The following RGMA variants were observed in gnomAD, a reference collection of about 807,000 sequenced individuals.
RGMA encodes the protein repulsive guidance molecule BMP co-receptor a.
A neutral mutation model predicts 23.2 loss-of-function variants in RGMA; 10 were observed. The ratio of observed to expected loss-of-function variants is 0.43; its 90% CI spans 0.27 to 0.73. RGMA has a LOEUF of 0.73. RGMA is among the 30% of genes least tolerant of loss of function. The pLI is 0.20. For synonymous variants in RGMA, 308 were observed against 279.3 expected (o/e 1.10, Z -1.03); for missense variants, 547 against 630.5 (o/e 0.87, Z 1.42).
intron 1 of RGMA, chr15:93,088,257 T>G: frequency 1.5e-6 from 1 of 681,126 alleles, no homozygotes; most frequent in Non-Finnish European, 1.8e-6. Flanking sequence ...TGAATACACC[T>G]GTCCCCCATG....
chr15:93,083,132 T>C (rs1037356594), intron 1 of RGMA, among the ~76,000 whole-genome samples: 2 of 152,232 alleles, frequency 1.3e-5, no homozygotes, highest in African/African-American at 2.4e-5. Flanking sequence ...CAGCATCCAT[T>C]TACTCATGAA....
intron 1 of RGMA, among the ~76,000 whole-genome samples, chr15:93,082,779 C>G (rs1895579263): frequency 6.6e-6 from 1 of 152,208 alleles, no homozygotes; most frequent in Admixed American, 6.5e-5. Context: ...AATTGTTTGT[C>G]TTTCTTTTGG....
Position 93,044,595 on chromosome 15 carries a change from A to C in RGMA, c.*403T>G. 2 of 248,130 alleles carry C rather than the reference A, an allele frequency of 8.1e-6. No individual in the cohort carries two copies. 15.4% of individuals were successfully genotyped at this position (248,130 alleles called of 1,614,324 possible). On this transcript the variant is annotated 3_prime_UTR_variant, in exon 4 of 4. Transcript: ENST00000329082. Reference sequence around the variant, plus strand: ...GTGTGTGCGTGCGTGTGGCGGGCACAGGGGGCCCCACGGATCGGCGAGCAG... The same window carrying C: ...GTGTGTGCGTGCGTGTGGCGGGCACCGGGGGCCCCACGGATCGGCGAGCAG...
intron 1 of RGMA, 179 bp from the exon 2 acceptor site, chr15:93,073,210 G>T: frequency 8.5e-7 from 1 of 1,179,040 alleles, no homozygotes; most frequent in Non-Finnish European, 1.0e-6. Flanking sequence ...TCCATCACTC[G>T]GTTCTCCGCC....
intron 2 of RGMA, among the ~76,000 whole-genome samples, chr15:93,061,003 A>T (rs1319932206): frequency 6.6e-6 from 1 of 152,118 alleles, no homozygotes; most frequent in Non-Finnish European, 1.5e-5. Flanking sequence ...CTGTCACTGG[A>T]CTGTCAGTGT....
Position 93,035,468 on chromosome 15 carries a change from G to T in RGMA, c.*9530C>A, listed in dbSNP as rs1487888274. The T allele has an allele frequency of 5.9e-5, 9 of 152,230 alleles. No homozygotes were observed. The highest frequency in any genetic ancestry group is 1.9e-4 in the African/African-American group (8 of 41,408). 9.4% of individuals were successfully genotyped at this position (152,230 alleles called of 1,614,324 possible). A position where few individuals can be genotyped will look rare whatever the true frequency, so the allele number is the denominator to read the frequency against. On this transcript the variant is annotated 3_prime_UTR_variant, in exon 4 of 4. Transcript: ENST00000329082. ...TCAGTGGATGGAAAACCTCTTAAGA[G>T]GAAACACCTGGGGGGATTCTTGCTG...
At chr15:93,074,625 C>T (rs982477266) in intron 1 of RGMA, among the ~76,000 whole-genome samples, 6 of 152,190 alleles carry the variant, frequency 3.9e-5, no homozygotes, top group South Asian at 2.1e-4. Flanking sequence ...AAATATTTTT[C>T]CCCCAAACCA....
At chr15:93,049,931 C>A (rs75813039) in intron 3 of RGMA, among the ~76,000 whole-genome samples, 1 of 152,196 alleles carries the variant, frequency 6.6e-6, no homozygotes, top group East Asian at 1.9e-4. Flanking sequence ...GAGGCCTCAT[C>A]ATCTTGGAGA....
At chr15:93,067,695 G>T (rs1405349514) in intron 2 of RGMA, among the ~76,000 whole-genome samples, 2 of 152,012 alleles carry the variant, frequency 1.3e-5, no homozygotes, top group Non-Finnish European at 2.9e-5. Context: ...GGGAGCAAAG[G>T]GGTGACCCAG....
chr15:93,080,348 A>G (rs1009462126), intron 1 of RGMA, among the ~76,000 whole-genome samples: 6 of 152,018 alleles, frequency 3.9e-5, no homozygotes, highest in African/African-American at 1.2e-4. Flanking sequence ...ACAGGTGCAC[A>G]CGCCACCACG....
chr15:93,048,738 C>T (rs1362039956), intron 3 of RGMA, among the ~76,000 whole-genome samples: 2 of 152,174 alleles, frequency 1.3e-5, no homozygotes, highest in Non-Finnish European at 1.5e-5. Flanking sequence ...CCTACTTCTT[C>T]CTTCTTTCCA....
At chr15:93,049,604 T>C (rs1317106562) in intron 3 of RGMA, among the ~76,000 whole-genome samples, 1 of 152,194 alleles carries the variant, frequency 6.6e-6, no homozygotes, top group Non-Finnish European at 1.5e-5. Flanking sequence ...TGGCTGATAC[T>C]GCCAGTATCA....
chr15:93,064,676 C>T (rs376239690), intron 2 of RGMA, among the ~76,000 whole-genome samples: 10 of 152,364 alleles, frequency 6.6e-5, no homozygotes, highest in African/African-American at 2.4e-4. Context: ...ATCGGGTATT[C>T]TGCCGGCTGG....
chr15:93,058,072 C>T (rs2055042623), intron 2 of RGMA, among the ~76,000 whole-genome samples: 1 of 152,192 alleles, frequency 6.6e-6, no homozygotes, highest in South Asian at 2.1e-4. Flanking sequence ...GGTCCTGAAG[C>T]ACAATTTCAA....
chr15:93,075,871 C>T (rs978316509), intron 1 of RGMA, among the ~76,000 whole-genome samples: 1 of 152,152 alleles, frequency 6.6e-6, no homozygotes, highest in African/African-American at 2.4e-5. Context: ...ATTTGGACAT[C>T]TTCAAAGTGG....
At chr15:93,072,486 G>A (rs1173930760) in intron 2 of RGMA, among the ~76,000 whole-genome samples, 1 of 152,096 alleles carries the variant, frequency 6.6e-6, no homozygotes, top group African/African-American at 2.4e-5. Context: ...GGGACCTCAG[G>A]GGCGACCCTG....
chr15:93,046,885 C>T (rs951194540), intron 3 of RGMA, among the ~76,000 whole-genome samples: 2 of 139,374 alleles, frequency 1.4e-5, no homozygotes, highest in African/African-American at 5.2e-5. Flanking sequence ...GCTGCTGGAG[C>T]AGCAGCTGGC....
intron 2 of RGMA, among the ~76,000 whole-genome samples, chr15:93,057,747 C>T (rs17526269): frequency 0.27 from 40,765 of 152,094 alleles, 6,852 homozygotes; most frequent in South Asian, 0.48. Flanking sequence ...ACCAGATTGA[C>T]TTAACTTCAC....
In RGMA at chr15:93,052,455, C is replaced by T. The variant is rs559114912; in HGVS notation, c.183G>A (p.Thr61=). Residue 61 remains threonine (T), a synonymous_variant, in exon 3 of 4, where the codon ACG becomes ACA. Coordinates refer to ENST00000329082, the MANE Select transcript of RGMA (RefSeq NM_020211.3). ...CTGAGGCTGGGGCGTGGCTGCCCGA[C>T]GTGGCGCTCCAGAACTCAGAGTTGC... The part of the protein sequence containing the change: ...LKCNSEFWSA[T]SGSHAPASDD... The T allele has an allele frequency of 9.2e-5, 147 of 1,590,660 alleles. No individual in the cohort carries two copies. In the South Asian group the frequency reaches 1.4e-3, roughly 15 times the overall value.
Sources: allele counts gnomAD v4.1 joint callset (sites outside exome capture counted in the v4.1 genomes callset), GRCh38; gene constraint gnomAD v4.1.1; transcripts MANE v1.5; gene names NCBI Gene and HGNC (gene_info 2026-07-23, HGNC 2026-07-21).